Variants in INSYN2B observed in about 807,000 individuals in gnomAD.
INSYN2B encodes the protein inhibitory synaptic factor family member 2B.
Under a neutral mutation model 41.2 loss-of-function variants are expected in INSYN2B, and 16 were observed. The ratio of observed to expected loss-of-function variants is 0.39; its 90% CI spans 0.26 to 0.59. INSYN2B has a LOEUF of 0.59. Ranked by LOEUF, INSYN2B falls within the 20% of genes least tolerant of loss-of-function variation. INSYN2B has a pLI of 0.57. For missense variants in INSYN2B, 608 were observed against 646.4 expected (o/e 0.94, Z 0.64); for synonymous variants, 245 against 244.4 (o/e 1.00, Z -0.02).
At position 169,882,840 on chromosome 5, in the gene INSYN2B, C is replaced by A; in HGVS notation, c.1059G>T (p.Gly353=). 6.4e-7 allele frequency: 1 copy of A among 1,551,056 alleles called. No individual in the cohort carries two copies. Among genetic ancestry groups the A allele is most frequent in the Non-Finnish European group, 8.7e-7 (1 of 1,146,446 alleles). Residue 353 remains glycine, a synonymous_variant, in exon 2 of 4, where the codon GGG becomes GGT. Transcript: ENST00000377365. The part of the protein sequence containing the change: ...KTNSASKSAP[G]CQEQTANNPT... ...GGTTGTTTGCCGTCTGCTCCTGACA[C>A]CCAGGGGCAGATTTCGATGCACTGT...
At chr5:169,877,546 T>C (rs1772401452) in intron 3 of INSYN2B, among the ~76,000 whole-genome samples, 1 of 152,134 alleles carries the variant, frequency 6.6e-6, no homozygotes, top group Admixed American at 6.5e-5. Flanking sequence ...AAAGTAAATA[T>C]GGGAAGAAAA....
rs1031085100 is a variant in INSYN2B, at chr5:169,864,078, G to A, written c.*195C>T. ...TCCGTGAAGCCCTCAGCAAGCAGTC[G>A]CACGCACTCAGGTAAGGATCGTGGT... is the stretch of plus-strand genomic sequence containing the variant. On this transcript the variant is annotated 3_prime_UTR_variant, in exon 4 of 4. Transcript: ENST00000377365. Among the ~76,000 whole-genome samples, 22 of 152,150 alleles carry A rather than the reference G, an allele frequency of 1.4e-4. No individual in the cohort carries two copies. Among genetic ancestry groups the A allele is most frequent in the African/African-American group, 3.9e-4 (16 of 41,446 alleles).
At position 169,883,046 on chromosome 5, in the gene INSYN2B, A is replaced by G; in HGVS notation, c.853T>C (p.Ser285Pro). 1 of 1,551,572 alleles carries G rather than the reference A, an allele frequency of 6.4e-7. No homozygotes were observed. ...KPELLLPKDN[S>P]DDKDLGSLSS... ...AGTGAGCCAAGGTCTTTGTCATCTG[A>G]GTTGTCTTTGGGCAAAAGCAATTCA... Residue 285 changes from serine to proline, a missense_variant, in exon 2 of 4, where the codon TCA becomes CCA. By Grantham distance (74) the Ser-to-Pro change is moderately conservative. Coordinates refer to ENST00000377365, the MANE Select transcript of INSYN2B (RefSeq NM_001129891.3).
At chr5:169,894,115 T>C (rs1245870615) in intron 1 of INSYN2B, among the ~76,000 whole-genome samples, 3 of 152,108 alleles carry the variant, frequency 2.0e-5, no homozygotes, top group African/African-American at 7.2e-5. Flanking sequence ...CTGCCAAAGT[T>C]TTCAAAGCAT....
At chr5:169,960,600 A>T (rs769561069) in intron 1 of INSYN2B, among the ~76,000 whole-genome samples, 23 of 152,186 alleles carry the variant, frequency 1.5e-4, no homozygotes, top group Non-Finnish European at 2.5e-4. Flanking sequence ...CCAATAATGG[A>T]GGGCCAGCCA....
chr5:169,972,550 T>C (rs899522641), intron 1 of INSYN2B, among the ~76,000 whole-genome samples: 49 of 71,826 alleles, frequency 6.8e-4, no homozygotes, highest in African/African-American at 2.2e-3. Flanking sequence ...GACAGATAGA[T>C]AGATAGATAG....
At chr5:169,978,401 G>T (rs1777807073) in intron 1 of INSYN2B, among the ~76,000 whole-genome samples, 1 of 139,348 alleles carries the variant, frequency 7.2e-6, no homozygotes, top group South Asian at 2.5e-4. Context: ...GTGGGGGGGG[G>T]GGGGTGTAGG....
At chr5:169,880,722 A>T (rs181723761) in intron 3 of INSYN2B, among the ~76,000 whole-genome samples, 63 of 152,284 alleles carry the variant, frequency 4.1e-4, no homozygotes, top group Admixed American at 6.5e-4. Context: ...TCAGATAAGG[A>T]AAGTGAGCCC....
chr5:169,962,475 T>G (rs560112621), intron 1 of INSYN2B, among the ~76,000 whole-genome samples: 1 of 152,150 alleles, frequency 6.6e-6, no homozygotes, highest in Non-Finnish European at 1.5e-5. Context: ...GGTGTGAAGA[T>G]GAAGAATTCC....
At chr5:169,952,492 C>G (rs747152707) in intron 1 of INSYN2B, among the ~76,000 whole-genome samples, 44 of 152,182 alleles carry the variant, frequency 2.9e-4, no homozygotes, top group Admixed American at 2.0e-3. Flanking sequence ...ACCTGTTTTT[C>G]TTAATGCTCC....
chr5:169,962,618 C>T (rs1178180431), intron 1 of INSYN2B, among the ~76,000 whole-genome samples: 1 of 152,056 alleles, frequency 6.6e-6, no homozygotes, highest in Non-Finnish European at 1.5e-5. Flanking sequence ...GTGGGTTAGA[C>T]AAAGAGGTTA....
At chr5:169,942,220 A>G (rs1776271286) in intron 1 of INSYN2B, among the ~76,000 whole-genome samples, 1 of 152,200 alleles carries the variant, frequency 6.6e-6, no homozygotes. Flanking sequence ...AAGGGAGTTT[A>G]AAAATCAACT....
At chr5:169,901,365 T>G (rs1245886414) in intron 1 of INSYN2B, among the ~76,000 whole-genome samples, 1 of 152,202 alleles carries the variant, frequency 6.6e-6, no homozygotes, top group East Asian at 1.9e-4. Flanking sequence ...AAGGCCACAT[T>G]AAGTCTTTTG....
At chr5:169,972,514 A>C (rs898093717) in intron 1 of INSYN2B, among the ~76,000 whole-genome samples, 29 of 151,754 alleles carry the variant, frequency 1.9e-4, no homozygotes, top group African/African-American at 6.8e-4. Flanking sequence ...GAGGGACAAA[A>C]TTGCCCCAGT....
intron 1 of INSYN2B, among the ~76,000 whole-genome samples, chr5:169,952,999 G>A (rs1776725125): frequency 1.3e-5 from 2 of 152,192 alleles, no homozygotes; most frequent in Non-Finnish European, 2.9e-5. Context: ...TTATTGAATT[G>A]TTTAAACAAT....
At position 169,864,267 on chromosome 5, in the gene INSYN2B, AC is replaced by A; in HGVS notation, c.*5del. On this transcript the variant is annotated 3_prime_UTR_variant, in exon 4 of 4. Transcript: ENST00000377365. ...GTTGGGGGGCTGGGGGATGGTCCCAACCAGCTCAGATCCACCAGAAGCATTT... is the reference window on the plus strand; with the variant it reads ...GTTGGGGGGCTGGGGGATGGTCCCAACAGCTCAGATCCACCAGAAGCATTT... 1.3e-6 allele frequency: 2 copies of A among 1,551,146 alleles called. No homozygotes were observed. Among genetic ancestry groups the A allele is most frequent in the Non-Finnish European group, 8.7e-7 (1 of 1,146,602 alleles).
chr5:169,905,892 T>A (rs1415061762), intron 1 of INSYN2B, among the ~76,000 whole-genome samples: 1 of 152,328 alleles, frequency 6.6e-6, no homozygotes, highest in South Asian at 2.1e-4. Context: ...TCATTCACAG[T>A]CAAGCTGATT....
At chr5:169,954,335 C>A (rs1211431840) in intron 1 of INSYN2B, among the ~76,000 whole-genome samples, 6 of 152,168 alleles carry the variant, frequency 3.9e-5, no homozygotes, top group Non-Finnish European at 8.8e-5. Flanking sequence ...TCAAACTTAA[C>A]AATTAATGAT....
intron 1 of INSYN2B, among the ~76,000 whole-genome samples, chr5:169,960,969 G>T (rs1310779033): frequency 6.6e-6 from 1 of 152,130 alleles, no homozygotes; most frequent in Non-Finnish European, 1.5e-5. Flanking sequence ...AGGGTTCATA[G>T]TATATATAGG....
Sources: gnomAD v4.1 joint callset for allele counts (sites outside exome capture counted in the v4.1 genomes callset) on GRCh38, gnomAD v4.1.1 for gene constraint, MANE v1.5 for transcripts, NCBI Gene and HGNC (gene_info 2026-07-23, HGNC 2026-07-21) for gene names.